The following EHD3 variants were observed in gnomAD, a reference collection of about 807,000 sequenced individuals.
EHD3 encodes EH domain containing 3.
In EHD3, 17 loss-of-function variants were observed where a neutral mutation model predicts 43.0. The ratio of observed to expected loss-of-function variants is 0.40; its 90% CI spans 0.27 to 0.59. EHD3 has a LOEUF of 0.59. Ranked by LOEUF, EHD3 falls within the 20% of genes least tolerant of loss-of-function variation. EHD3 has a pLI of 0.49. For synonymous variants in EHD3, 313 were observed against 289.5 expected (o/e 1.08, Z -0.82); for missense variants, 594 against 705.6 (o/e 0.84, Z 1.79).
intron 1 of EHD3, among the ~76,000 whole-genome samples, chr2:31,242,983 T>A (rs1683449833): frequency 6.7e-6 from 1 of 148,474 alleles, no homozygotes; most frequent in South Asian, 2.1e-4. Flanking sequence ...AATAAATAAA[T>A]AAATAAAATC....
intron 3 of EHD3, among the ~76,000 whole-genome samples, chr2:31,252,048 C>G (rs1683645208): frequency 1.3e-5 from 2 of 152,310 alleles, no homozygotes; most frequent in South Asian, 4.1e-4. Flanking sequence ...TGTAGCCTGA[C>G]CAGCGGGTCC....
At chr2:31,241,771 G>A (rs1683429129) in intron 1 of EHD3, among the ~76,000 whole-genome samples, 3 of 152,202 alleles carry the variant, frequency 2.0e-5, no homozygotes, top group African/African-American at 7.2e-5. Context: ...GCTGGCCCCA[G>A]GCCACTGAGA....
At chr2:31,259,790 G>C (rs1304179908) in intron 3 of EHD3, among the ~76,000 whole-genome samples, 2 of 152,150 alleles carry the variant, frequency 1.3e-5, no homozygotes, top group Admixed American at 6.5e-5. Flanking sequence ...AGAATTTCTG[G>C]GTCTTTGTGT....
At chr2:31,244,795 C>T (rs1042903593) in intron 2 of EHD3, among the ~76,000 whole-genome samples, 1 of 152,146 alleles carries the variant, frequency 6.6e-6, no homozygotes. Flanking sequence ...CTGGGATTTG[C>T]ATCCAACTGG....
At chr2:31,253,621 C>G (rs907346833) in intron 3 of EHD3, among the ~76,000 whole-genome samples, 1 of 152,198 alleles carries the variant, frequency 6.6e-6, no homozygotes, top group African/African-American at 2.4e-5. Flanking sequence ...CTTCCCAGGG[C>G]TCCAAGACCT....
At chr2:31,235,221 T>C (rs1176796543) in intron 1 of EHD3, among the ~76,000 whole-genome samples, 5 of 152,234 alleles carry the variant, frequency 3.3e-5, no homozygotes, top group African/African-American at 1.2e-4. Context: ...GTCTTCACTT[T>C]TTAGCAACAC....
intron 3 of EHD3, among the ~76,000 whole-genome samples, chr2:31,259,430 G>C (rs1639717427): frequency 6.6e-6 from 1 of 152,172 alleles, no homozygotes. Context: ...TGAATGTATA[G>C]ACTATTGGTC....
Position 31,268,661 on chromosome 2 carries a change from C to G in EHD3, c.*1957C>G, listed in dbSNP as rs1276347960. 6.6e-6 allele frequency: 1 copy of G among 152,254 alleles called. No individual in the cohort carries two copies. Among genetic ancestry groups the G allele is most frequent in the Non-Finnish European group, 1.5e-5 (1 of 68,052 alleles). The allele number at this position is 152,254 out of a possible 1,614,324, so 9.4% of individuals were successfully genotyped here. A position where few individuals can be genotyped will look rare whatever the true frequency, so the allele number is the denominator to read the frequency against. On this transcript the variant is annotated 3_prime_UTR_variant, in exon 6 of 6. Coordinates refer to ENST00000322054, the MANE Select transcript of EHD3 (RefSeq NM_014600.3). The stretch of plus-strand genomic sequence containing the variant: ...CTTCCTTCTGCAAATACACATTTCT[C>G]TTTCACATGAAATGAAGGGCAGACA...
At chr2:31,251,081 C>T (rs139661166) in intron 3 of EHD3, among the ~76,000 whole-genome samples, 1 of 152,336 alleles carries the variant, frequency 6.6e-6, no homozygotes. Context: ...TGTGACAGGC[C>T]AGTGCTCCTG....
chr2:31,246,751 T>A (rs763814232), intron 2 of EHD3, among the ~76,000 whole-genome samples: 2 of 152,158 alleles, frequency 1.3e-5, no homozygotes, highest in Non-Finnish European at 2.9e-5. Flanking sequence ...GGGGGTGGTT[T>A]ACTTTGAGTA....
chr2:31,239,839 C>T (rs3769630), intron 1 of EHD3, among the ~76,000 whole-genome samples: 1 of 57,340 alleles, frequency 1.7e-5, no homozygotes, highest in Non-Finnish European at 3.0e-5. Context: ...TCTCCTCTCT[C>T]GAGCTGACTC....
In EHD3 at chr2:31,260,793, C is replaced by T. The variant is rs745387793; in HGVS notation, c.786C>T (p.Leu262=). The T allele has an allele frequency of 6.2e-6, 10 of 1,614,102 alleles. No homozygotes were observed. Among genetic ancestry groups the T allele is most frequent in the Non-Finnish European group, 8.5e-6 (10 of 1,180,044 alleles). ...VYIGSFWSHP[L]LIPDNRKLFE... ...TCGGCTCCTTCTGGTCCCACCCCCT[C>T]CTCATCCCTGACAACCGGAAGCTCT... The change falls in exon 4 of 6, where the codon CTC becomes CTT. Residue 262 remains leucine (L), a synonymous_variant. Coordinates refer to ENST00000322054, the MANE Select transcript of EHD3 (RefSeq NM_014600.3). This position sits in a 1 kb window ranked among gnomAD's most constrained non-coding sequence, Gnocchi z 4.6.
chr2:31,253,246 C>CCACACACACACACA (rs34392955), intron 3 of EHD3, among the ~76,000 whole-genome samples: 11 of 142,104 alleles, frequency 7.7e-5, no homozygotes, highest in African/African-American at 2.9e-4. Flanking sequence ...CAACCCCCTC[C>CCACACACACACACA]CACACACACA....
Position 31,260,759 on chromosome 2 carries a change from G to A in EHD3, c.752G>A (p.Arg251Gln), listed in dbSNP as rs755907641. ...GKIVNTPEVI[R>Q]VYIGSFWSHP... ...ATCGTGAACACCCCAGAGGTGATCC[G>A]GGTCTACATCGGCTCCTTCTGGTCC... Residue 251 changes from arginine (R) to glutamine (Q), a missense_variant, in exon 4 of 6, where the codon CGG (arginine) becomes CAG (glutamine). Coordinates refer to ENST00000322054, the MANE Select transcript of EHD3 (RefSeq NM_014600.3). The surrounding 1 kb of genome is among the most constrained non-coding windows in gnomAD (Gnocchi z 4.6). 6.8e-6 allele frequency: 11 copies of A among 1,614,078 alleles called. No homozygotes were observed. Among genetic ancestry groups the A allele is most frequent in the Admixed American group, 5.0e-5 (3 of 60,010 alleles).
intron 1 of EHD3, among the ~76,000 whole-genome samples, chr2:31,235,201 G>A (rs1172367701): frequency 6.6e-6 from 1 of 152,094 alleles, no homozygotes; most frequent in Admixed American, 6.6e-5. Context: ...TGTTGGTGGG[G>A]ATGTCTTACG....
At chr2:31,251,564 A>G (rs1683636172) in intron 3 of EHD3, among the ~76,000 whole-genome samples, 1 of 152,118 alleles carries the variant, frequency 6.6e-6, no homozygotes, top group East Asian at 1.9e-4. Context: ...GACTTGGGAA[A>G]CTGTGTTAGC....
Position 31,268,340 on chromosome 2 carries a change from T to C in EHD3, c.*1636T>C, listed in dbSNP as rs1683994110. 6.5e-6 allele frequency: 1 copy of C among 152,708 alleles called. No individual in the cohort carries two copies. The highest frequency in any genetic ancestry group is 1.5e-5 in the Non-Finnish European group (1 of 68,052). 9.5% of individuals were successfully genotyped at this position (152,708 alleles called of 1,614,324 possible). A position where few individuals can be genotyped will look rare whatever the true frequency, so the allele number is the denominator to read the frequency against. ...TATGCATCTATGACGTGCTTACTAC[T>C]GCAGTGCATTTGTCATTAGTCTTCA... On this transcript the variant is annotated 3_prime_UTR_variant, in exon 6 of 6. Transcript: ENST00000322054.
At chr2:31,262,135 G>A (rs768439244) in intron 5 of EHD3, among the ~76,000 whole-genome samples, 4 of 152,192 alleles carry the variant, frequency 2.6e-5, no homozygotes, top group African/African-American at 4.8e-5. Context: ...CACGAGCTTC[G>A]GGGAGGCAGA....
chr2:31,265,613 C>T lies in EHD3; in HGVS notation c.1081-564C>T, dbSNP rs370004976. Among the ~76,000 whole-genome samples the T allele has an allele frequency of 1.4e-3, 212 of 152,282 alleles. 1 individual carries two copies. Among genetic ancestry groups the T allele is most frequent in the African/African-American group, 4.6e-3 (192 of 41,550 alleles). On this transcript the variant is annotated intron_variant, in intron 5 of 5. Transcript: ENST00000322054. ...CTTCTGTTATGATTTGGTTTTAGTA[C>T]CCTGTGCCCTGTTTGGTTTTTGTTT...
Sources: gnomAD v4.1 joint callset for allele counts (sites outside exome capture counted in the v4.1 genomes callset) on GRCh38, gnomAD v4.1.1 for gene constraint, Gnocchi (gnomAD v3.1) non-coding constraint, MANE v1.5 for transcripts, NCBI Gene and HGNC (gene_info 2026-07-23, HGNC 2026-07-21) for gene names.